RMND1: variants seen among roughly 807,000 people sequenced by gnomAD.
RMND1 encodes required for meiotic nuclear division protein 1 homolog.
A neutral mutation model predicts 54.0 loss-of-function variants in RMND1; 41 were observed. The ratio of observed to expected loss-of-function variants is 0.76; its 90% CI spans 0.59 to 0.98. The LOEUF is 0.98. RMND1 is among the 50% of genes least tolerant of loss of function. The pLI is 0.00. For synonymous variants in RMND1, 183 were observed against 181.7 expected, an observed-to-expected ratio of 1.01 and a Z score of -0.06; for missense variants, 457 against 532.0, an observed-to-expected ratio of 0.86 and a Z score of 1.39.
chr6:151,435,056 A>G (rs1161744366), intron 3 of RMND1, among the ~76,000 whole-genome samples: 1 of 151,420 alleles, frequency 6.6e-6, no homozygotes, highest in African/African-American at 2.4e-5. Context: ...ACCATGTTGG[A>G]CAGGCTGGTC....
At chr6:151,432,759 G>C (rs900419724) in intron 4 of RMND1, among the ~76,000 whole-genome samples, 1 of 152,038 alleles carries the variant, frequency 6.6e-6, no homozygotes, top group Non-Finnish European at 1.5e-5. Flanking sequence ...GCTACCAAAG[G>C]GGAAGGGAGA....
intron 9 of RMND1, among the ~76,000 whole-genome samples, chr6:151,420,126 T>C (rs769840730): frequency 1.3e-5 from 2 of 152,198 alleles, no homozygotes; most frequent in African/African-American, 2.4e-5. Context: ...CCTACGTATA[T>C]TTAGTCCTAA....
intron 9 of RMND1, chr6:151,420,924 T>C (rs1334847549): frequency 3.3e-5 from 6 of 179,484 alleles, no homozygotes; most frequent in African/African-American, 4.7e-5. Context: ...CAGTGATATA[T>C]TTTTACAGAG....
chr6:151,409,042 C>T (rs2114914576), intron 10 of RMND1: 1 of 152,332 alleles, frequency 6.6e-6, no homozygotes, highest in Middle Eastern at 3.4e-3. Context: ...ATTTACTGTA[C>T]TACGCTGGGC....
intron 10 of RMND1, among the ~76,000 whole-genome samples, chr6:151,413,230 A>C (rs1321748695): frequency 6.6e-6 from 1 of 152,150 alleles, no homozygotes; most frequent in Non-Finnish European, 1.5e-5. Context: ...ACCCACAAAA[A>C]CTTAAATAGT....
chr6:151,408,744 A>G (rs1562781765), intron 10 of RMND1: 1 of 152,240 alleles, frequency 6.6e-6, no homozygotes, highest in Non-Finnish European at 1.5e-5. Context: ...ATGATACAAT[A>G]TGAGGATTCC....
In RMND1 at chr6:151,439,803, G is replaced by A. The variant is rs149577597; in HGVS notation, c.505-3249C>T. Reference sequence around the variant, plus strand: ...GCCTCTCGAGTTGCTGGGATCACAGGCATGCGCCACCACGCCCAGCTAATT... The same window carrying A: ...GCCTCTCGAGTTGCTGGGATCACAGACATGCGCCACCACGCCCAGCTAATT... On this transcript the variant is annotated intron_variant, in intron 2 of 11. Coordinates refer to ENST00000444024, the MANE Select transcript of RMND1 (RefSeq NM_017909.4). Among the ~76,000 whole-genome samples the A allele has an allele frequency of 6.4e-3, 973 of 152,270 alleles. 26 individuals carry two copies. In the East Asian group the frequency reaches 0.095, roughly 15 times the overall value.
At position 151,419,611 on chromosome 6, in the gene RMND1, CT is replaced by C. The variant is rs375542736; in HGVS notation, c.1079+1633del. On this transcript the variant is annotated intron_variant, in intron 9 of 11. Transcript: ENST00000444024. Reference sequence around the variant, plus strand: ...AATCCCTGAGCCCAGGAGATCAAGGCTTTGGTGAGCTATGATCATGCCACTG... The same window carrying C: ...AATCCCTGAGCCCAGGAGATCAAGGCTTGGTGAGCTATGATCATGCCACTG... Among the ~76,000 whole-genome samples the C allele has an allele frequency of 4.1e-4, 60 of 146,850 alleles. No individual in the cohort carries two copies. In the East Asian group the frequency reaches 0.011, roughly 26 times the overall value.
chr6:151,432,700 G>A (rs555040579), intron 4 of RMND1, among the ~76,000 whole-genome samples: 1 of 152,248 alleles, frequency 6.6e-6, no homozygotes, highest in African/African-American at 2.4e-5. Context: ...GTGTGTATGT[G>A]AGTCTCCTAG....
intron 4 of RMND1, among the ~76,000 whole-genome samples, chr6:151,431,446 C>A (rs1780444893): frequency 6.6e-6 from 1 of 152,044 alleles, no homozygotes; most frequent in Non-Finnish European, 1.5e-5. Context: ...GGCAGGGAGA[C>A]AATAAGCTGT....
In RMND1 at chr6:151,417,312, C is replaced by G; in HGVS notation, c.1167G>C (p.Thr389=). The G allele has an allele frequency of 6.2e-7, 1 of 1,613,180 alleles. No homozygotes were observed. The highest frequency in any genetic ancestry group is 8.5e-7 in the Non-Finnish European group (1 of 1,179,750). The change falls in exon 10 of 12, where the codon ACG becomes ACC. Residue 389 remains threonine, a synonymous_variant. Coordinates refer to ENST00000444024, the MANE Select transcript of RMND1 (RefSeq NM_017909.4). ...TTCGGCCAATGCTAAGGAATTGACA[C>G]GTTTTATCGTAAAGTCCTTCCAGGT... ...RENLEGLYDK[T]CQFLSIGRRV... is the part of the protein sequence containing the mutation.
chr6:151,435,432 C>A lies in RMND1; in HGVS notation c.613+1014G>T, dbSNP rs553842384. On this transcript the variant is annotated intron_variant, in intron 3 of 11. Transcript: ENST00000444024. The stretch of plus-strand genomic sequence containing the variant: ...AAGTGCTGGGATTACAGGCCTGAGC[C>A]ACCATGGCTGGCCTAAATTATTTTT... Among the ~76,000 whole-genome samples, 4 of 152,074 alleles carry A rather than the reference C, an allele frequency of 2.6e-5. No individual in the cohort carries two copies. In the East Asian group the frequency reaches 7.8e-4, roughly 30 times the overall value.
Position 151,447,884 on chromosome 6 carries a change from G to C in RMND1, c.-14-2059C>G, listed in dbSNP as rs546967093. On this transcript the variant is annotated intron_variant, in intron 1 of 11. Transcript: ENST00000444024. The stretch of plus-strand genomic sequence containing the variant: ...GCTGGAGTGCAGTGGTGCCACCTCA[G>C]CTCACTGCAACCTCCGCCTCCCCGG... Among the ~76,000 whole-genome samples, 16 of 145,186 alleles carry C rather than the reference G, an allele frequency of 1.1e-4. No individual in the cohort carries two copies. The South Asian group carries it at 2.6e-3, about 24-fold the overall frequency.
At chr6:151,405,889 A>G in intron 10 of RMND1, 53 bp from the exon 11 acceptor site, 2 of 928,808 alleles carry the variant, frequency 2.2e-6, no homozygotes, top group Non-Finnish European at 3.5e-6. Flanking sequence ...ATACGGTCAT[A>G]CACATAAAAA....
At chr6:151,438,811 C>CCA (rs1780688537) in intron 2 of RMND1, among the ~76,000 whole-genome samples, 1 of 147,752 alleles carries the variant, frequency 6.8e-6, no homozygotes, top group East Asian at 2.0e-4. Flanking sequence ...TTTTTTTTTC[C>CCA]AAAAAAAACC....
rs560571160 is a variant in RMND1 at position 151,442,536 on chromosome 6, T to C, written c.504+2772A>G. ...AAGAAGCACTGCTATTATTGTTTTC[T>C]TGTTTGTTTAGTGACAGGGCCTCAC... On this transcript the variant is annotated intron_variant, in intron 2 of 11. Transcript: ENST00000444024. 3.5e-4 allele frequency among the ~76,000 whole-genome samples: 53 copies of C among 152,270 alleles called. 2 individuals carry two copies. The highest frequency in any genetic ancestry group is 2.6e-3 in the Admixed American group (40 of 15,296).
chr6:151,419,200 G>A (rs1249279165), intron 9 of RMND1, among the ~76,000 whole-genome samples: 1 of 151,904 alleles, frequency 6.6e-6, no homozygotes, highest in African/African-American at 2.4e-5. Context: ...AAGAAGCTGG[G>A]ATTACAGGCG....
intron 5 of RMND1, among the ~76,000 whole-genome samples, chr6:151,429,107 T>C (rs1780383753): frequency 6.6e-6 from 1 of 152,034 alleles, no homozygotes; most frequent in South Asian, 2.1e-4. Flanking sequence ...TTATATTGGT[T>C]ATATTTTGTA....
At chr6:151,445,895 G>A (rs1380400637) in intron 1 of RMND1, 70 bp from the exon 2 acceptor site, 3 of 1,338,262 alleles carry the variant, frequency 2.2e-6, no homozygotes, top group Non-Finnish European at 3.0e-6. Flanking sequence ...ATTTCCCTAG[G>A]TAGCAGGCAT....
Sources: gnomAD v4.1 joint callset for allele counts (sites outside exome capture counted in the v4.1 genomes callset) on GRCh38, gnomAD v4.1.1 for gene constraint, MANE v1.5 for transcripts, NCBI Gene and HGNC (gene_info 2026-07-23, HGNC 2026-07-21) for gene names.